The following FMN1 variants were observed in gnomAD, a reference collection of about 807,000 sequenced individuals.
FMN1 encodes formin-1.
Under a neutral mutation model 132.4 loss-of-function variants are expected in FMN1, and 110 were observed. The ratio of observed to expected loss-of-function variants is 0.83; its 90% CI spans 0.71 to 0.97. The LOEUF (loss-of-function observed/expected upper bound fraction) is 0.97. FMN1 is among the 50% of genes least tolerant of loss of function. The pLI is 0.00. For synonymous variants in FMN1, 722 were observed against 651.7 expected (o/e 1.11, Z -1.64); for missense variants, 1,792 against 1,705.3 (o/e 1.05, Z -0.90).
intron 16 of FMN1, among the ~76,000 whole-genome samples, chr15:32,883,220 TC>T: frequency 6.6e-6 from 1 of 151,962 alleles, no homozygotes; most frequent in Non-Finnish European, 1.5e-5. Flanking sequence ...AAGGGTAAGA[TC>T]AGGTCCAGTG....
At chr15:32,890,991 G>A (rs939287707) in intron 15 of FMN1, among the ~76,000 whole-genome samples, 2 of 152,164 alleles carry the variant, frequency 1.3e-5, no homozygotes, top group Admixed American at 6.5e-5. Flanking sequence ...TTGTTGAAAA[G>A]GGTGTCCTTT....
chr15:32,845,789 T>C (rs1482086821), intron 17 of FMN1, among the ~76,000 whole-genome samples: 1 of 152,214 alleles, frequency 6.6e-6, no homozygotes, highest in Non-Finnish European at 1.5e-5. Context: ...TTTCAGTATA[T>C]TGGTGTTTCT....
chr15:33,015,481 CTCTT>C (rs1346212342), intron 6 of FMN1, among the ~76,000 whole-genome samples: 3 of 152,088 alleles, frequency 2.0e-5, no homozygotes, highest in African/African-American at 7.2e-5. Flanking sequence ...CATTTATGCG[CTCTT>C]TCTTACACAT....
intron 17 of FMN1, among the ~76,000 whole-genome samples, chr15:32,829,370 T>C (rs1276085763): frequency 6.6e-6 from 1 of 152,216 alleles, no homozygotes; most frequent in Non-Finnish European, 1.5e-5. Context: ...AGACAAGCCA[T>C]CTTCTGCTTC....
chr15:33,055,017 C>T (rs974923663), intron 6 of FMN1, among the ~76,000 whole-genome samples: 1 of 152,142 alleles, frequency 6.6e-6, no homozygotes, highest in Non-Finnish European at 1.5e-5. Context: ...CCACAGCACT[C>T]AAAAATTTAA....
Position 32,803,688 on chromosome 15 carries a change from A to G in FMN1, c.3980+593T>C, listed in dbSNP as rs148909476. ...CCTCTAGAAGCTGAGGAAAGACATA[A>G]TAAGTCTCTTGGGTGTCTGCAATAA... On this transcript the variant is annotated intron_variant, in intron 18 of 20. Transcript: ENST00000616417. 4.6e-4 allele frequency among the ~76,000 whole-genome samples: 70 copies of G among 152,328 alleles called. 1 individual carries two copies. In the East Asian group the frequency reaches 0.012, roughly 26 times the overall value.
At chr15:32,916,261 T>G (rs757635938) in intron 10 of FMN1, among the ~76,000 whole-genome samples, 14 of 152,178 alleles carry the variant, frequency 9.2e-5, no homozygotes, top group Non-Finnish European at 1.8e-4. Flanking sequence ...CAGGGTTAAG[T>G]AGAAAGAACA....
chr15:32,965,437 A>T (rs2031114939), intron 8 of FMN1, among the ~76,000 whole-genome samples: 1 of 152,198 alleles, frequency 6.6e-6, no homozygotes, highest in South Asian at 2.1e-4. Context: ...CAATGCCCAC[A>T]AATTTCATCT....
In FMN1 at chr15:32,772,865, G is replaced by C. The variant is rs1489063124; in HGVS notation, c.*1445C>G. 2 of 152,718 alleles carry C rather than the reference G, an allele frequency of 1.3e-5. No homozygotes were observed. The highest frequency in any genetic ancestry group is 2.9e-5 in the Non-Finnish European group (2 of 68,488). The allele number at this position is 152,718 out of a possible 1,614,324, so 9.5% of individuals were successfully genotyped here. On this transcript the variant is annotated 3_prime_UTR_variant, in exon 21 of 21. Coordinates refer to ENST00000616417, the MANE Select transcript of FMN1 (RefSeq NM_001277313.2). ...TCCTGGGAAGATGCTCAGGCACCTG[G>C]CAAGTCCAGGGGTTCTGGAAAGATG...
At chr15:32,815,645 G>A (rs1173305351) in intron 17 of FMN1, among the ~76,000 whole-genome samples, 1 of 152,140 alleles carries the variant, frequency 6.6e-6, no homozygotes, top group African/African-American at 2.4e-5. Context: ...TTCCAATAAC[G>A]GAATCACGTA....
At chr15:32,935,712 C>G (rs549100384) in intron 9 of FMN1, among the ~76,000 whole-genome samples, 1 of 152,152 alleles carries the variant, frequency 6.6e-6, no homozygotes, top group Non-Finnish European at 1.5e-5. Flanking sequence ...ACTGTAACCT[C>G]TGCCTCCCAG....
chr15:33,090,008 T>C (rs1171049699), intron 4 of FMN1, among the ~76,000 whole-genome samples: 2 of 152,204 alleles, frequency 1.3e-5, no homozygotes, highest in African/African-American at 4.8e-5. Flanking sequence ...ACAGAATCCA[T>C]TTAAAGGGAC....
At chr15:33,171,796 T>C (rs1172803989) in intron 3 of FMN1, among the ~76,000 whole-genome samples, 1 of 152,230 alleles carries the variant, frequency 6.6e-6, no homozygotes, top group Non-Finnish European at 1.5e-5. Flanking sequence ...ATATGTAAAA[T>C]GCTATTCACA....
At chr15:32,970,960 G>A (rs1308770516) in intron 7 of FMN1, among the ~76,000 whole-genome samples, 1 of 152,172 alleles carries the variant, frequency 6.6e-6, no homozygotes, top group Non-Finnish European at 1.5e-5. Flanking sequence ...AACTCTGAGG[G>A]AAGGGGCTAG....
intron 19 of FMN1, among the ~76,000 whole-genome samples, chr15:32,788,189 G>A (rs1240341781): frequency 2.0e-5 from 3 of 152,222 alleles, no homozygotes; most frequent in Admixed American, 6.5e-5. Context: ...TGCATGATCA[G>A]TTAAAGCCAA....
At chr15:32,902,189 C>T (rs1411031255) in intron 12 of FMN1, 149 bp from the exon 13 acceptor site, 6 of 659,510 alleles carry the variant, frequency 9.1e-6, no homozygotes, top group Admixed American at 3.3e-5. Flanking sequence ...CAAGGAATTC[C>T]AAGGGCATGG....
chr15:32,941,069 A>C (rs2061391305), intron 9 of FMN1, among the ~76,000 whole-genome samples: 1 of 152,164 alleles, frequency 6.6e-6, no homozygotes, highest in Non-Finnish European at 1.5e-5. Flanking sequence ...CATAAAAAGC[A>C]GCCTGCGAAA....
chr15:33,144,233 C>T (rs1040893903), intron 4 of FMN1, among the ~76,000 whole-genome samples: 1 of 152,160 alleles, frequency 6.6e-6, no homozygotes, highest in East Asian at 1.9e-4. Context: ...TGATTTAATT[C>T]AAAGGCTACC....
chr15:32,984,665 C>G (rs544788644), intron 7 of FMN1, among the ~76,000 whole-genome samples: 5 of 152,174 alleles, frequency 3.3e-5, no homozygotes, highest in Non-Finnish European at 7.3e-5. Flanking sequence ...ACCCTTACAT[C>G]TACGTATGGT....
Sources: allele counts gnomAD v4.1 joint callset (sites outside exome capture counted in the v4.1 genomes callset), GRCh38; gene constraint gnomAD v4.1.1; transcripts MANE v1.5; gene names NCBI Gene and HGNC (gene_info 2026-07-23, HGNC 2026-07-21).